The following PDZRN4 variants were observed in gnomAD, a reference collection of about 807,000 sequenced individuals.
PDZRN4 encodes the protein PDZ domain containing ring finger 4, also known as PDZ domain-containing RING finger protein 4.
A neutral mutation model predicts 99.0 loss-of-function variants in PDZRN4; 70 were observed. The ratio of observed to expected loss-of-function variants is 0.71; its 90% CI spans 0.58 to 0.86. The LOEUF is 0.86. Among genes scored for constraint, PDZRN4 ranks in the 40% least tolerant of loss-of-function variants. PDZRN4 has a pLI of 0.00. For missense variants in PDZRN4, 1,474 were observed against 1,331.2 expected, an observed-to-expected ratio of 1.11 and a Z score of -1.67; for synonymous variants, 551 against 501.6, an observed-to-expected ratio of 1.10 and a Z score of -1.32.
intron 3 of PDZRN4, among the ~76,000 whole-genome samples, chr12:41,233,688 A>C (rs890415879): frequency 3.9e-5 from 6 of 152,060 alleles, no homozygotes; most frequent in African/African-American, 1.4e-4. Flanking sequence ...TATTGCAAGG[A>C]CAAAAAACCA....
chr12:41,293,546 T>C (rs2120914269), intron 3 of PDZRN4, among the ~76,000 whole-genome samples: 1 of 152,158 alleles, frequency 6.6e-6, no homozygotes, highest in Non-Finnish European at 1.5e-5. Flanking sequence ...TTGGCAGATT[T>C]CCTTAGAATC....
chr12:41,195,505 T>C (rs535387242), intron 3 of PDZRN4, among the ~76,000 whole-genome samples: 2 of 152,140 alleles, frequency 1.3e-5, no homozygotes, highest in South Asian at 2.1e-4. Flanking sequence ...GTGAAGAATA[T>C]AGAAGACCCA....
chr12:41,265,642 C>A (rs1287334827), intron 3 of PDZRN4, among the ~76,000 whole-genome samples: 3 of 152,172 alleles, frequency 2.0e-5, no homozygotes. Flanking sequence ...AGCATAGGGG[C>A]AGCTGCTGAC....
chr12:41,379,000 G>T (rs1462766575), intron 3 of PDZRN4, among the ~76,000 whole-genome samples: 1 of 152,082 alleles, frequency 6.6e-6, no homozygotes, highest in Non-Finnish European at 1.5e-5. Flanking sequence ...GGTGCTATAT[G>T]GTTTGGGCTT....
intron 3 of PDZRN4, among the ~76,000 whole-genome samples, chr12:41,403,357 C>T (rs1361488344): frequency 1.3e-5 from 2 of 152,052 alleles, no homozygotes; most frequent in African/African-American, 2.4e-5. Flanking sequence ...CCATTTGTAA[C>T]AGTAGAATTA....
chr12:41,248,306 A>G (rs1951146653), intron 3 of PDZRN4, among the ~76,000 whole-genome samples: 1 of 152,216 alleles, frequency 6.6e-6, no homozygotes, highest in Non-Finnish European at 1.5e-5. Flanking sequence ...AAGGCTTTCT[A>G]TAATGGAATC....
intron 3 of PDZRN4, among the ~76,000 whole-genome samples, chr12:41,219,105 G>A (rs1430842183): frequency 2.0e-5 from 3 of 151,530 alleles, no homozygotes; most frequent in Admixed American, 2.0e-4. Flanking sequence ...TACATTTAGA[G>A]AGGGTACCTT....
chr12:41,510,663 C>T (rs952033086), intron 5 of PDZRN4, among the ~76,000 whole-genome samples: 2 of 152,060 alleles, frequency 1.3e-5, no homozygotes, highest in Non-Finnish European at 2.9e-5. Context: ...CCCATGGTCA[C>T]CTGCCCTTTT....
At chr12:41,349,480 T>C (rs979585887) in intron 3 of PDZRN4, among the ~76,000 whole-genome samples, 2 of 126,840 alleles carry the variant, frequency 1.6e-5, no homozygotes, top group African/African-American at 6.0e-5. Context: ...CTTTGTGCTA[T>C]CTTTCTATGT....
At chr12:41,492,501 C>T (rs1441718058) in intron 3 of PDZRN4, among the ~76,000 whole-genome samples, 1 of 152,062 alleles carries the variant, frequency 6.6e-6, no homozygotes, top group African/African-American at 2.4e-5. Context: ...CAAGGAAGAG[C>T]GTGTTTTAAC....
At chr12:41,203,399 G>C (rs1215471335) in intron 3 of PDZRN4, among the ~76,000 whole-genome samples, 1 of 152,030 alleles carries the variant, frequency 6.6e-6, no homozygotes, top group African/African-American at 2.4e-5. Context: ...GGAGGTGAGA[G>C]AGGATAGAAC....
intron 5 of PDZRN4, among the ~76,000 whole-genome samples, chr12:41,517,081 T>C (rs910759505): frequency 3.9e-5 from 6 of 152,214 alleles, no homozygotes; most frequent in Admixed American, 3.9e-4. Flanking sequence ...ACAAGATTAG[T>C]ATTGCTATTA....
At chr12:41,240,112 C>A (rs138703484) in intron 3 of PDZRN4, among the ~76,000 whole-genome samples, 1 of 142,704 alleles carries the variant, frequency 7.0e-6, no homozygotes, top group Non-Finnish European at 1.5e-5. Context: ...CTTCTCTTTG[C>A]TCACTGCTTT....
At chr12:41,571,459 A>C (rs917734578) in intron 9 of PDZRN4, among the ~76,000 whole-genome samples, 19 of 150,882 alleles carry the variant, frequency 1.3e-4, no homozygotes, top group Admixed American at 9.3e-4. Flanking sequence ...TAAGTGTCAA[A>C]ATTTTTTTGA....
intron 3 of PDZRN4, among the ~76,000 whole-genome samples, chr12:41,272,444 T>C (rs1951320578): frequency 6.6e-6 from 1 of 152,096 alleles, no homozygotes; most frequent in Non-Finnish European, 1.5e-5. Context: ...ACTTATTAAT[T>C]TTAAAGCATC....
At chr12:41,330,127 T>A (rs924226817) in intron 3 of PDZRN4, among the ~76,000 whole-genome samples, 3 of 152,122 alleles carry the variant, frequency 2.0e-5, no homozygotes, top group African/African-American at 7.2e-5. Flanking sequence ...GTTTAAAAAA[T>A]TTTATGTTAC....
chr12:41,411,776 G>A (rs557185599), intron 3 of PDZRN4: 9 of 152,294 alleles, frequency 5.9e-5, no homozygotes, highest in African/African-American at 1.9e-4. Context: ...AAATAGAGCA[G>A]CTATATTCTT....
At position 41,225,543 on chromosome 12, in the gene PDZRN4, A is replaced by G. The variant is rs1405385370; in HGVS notation, c.843+31355A>G. On this transcript the variant is annotated intron_variant, in intron 3 of 9. Transcript: ENST00000402685. ...GTGCTTTATACTTAAATGCTTTTGT[A>G]ATAATTTTTTAATTTAGCTAAAGGA... Among the ~76,000 whole-genome samples the G allele has an allele frequency of 2.6e-5, 4 of 152,202 alleles. 1 individual carries two copies. The highest frequency in any genetic ancestry group is 5.9e-5 in the Non-Finnish European group (4 of 68,008).
intron 3 of PDZRN4, among the ~76,000 whole-genome samples, chr12:41,199,410 G>T (rs1192376130): frequency 6.6e-6 from 1 of 152,102 alleles, no homozygotes; most frequent in Admixed American, 6.6e-5. Context: ...CTATTGGTTG[G>T]AATGGAAATT....
Sources: gnomAD v4.1 joint callset for allele counts (sites outside exome capture counted in the v4.1 genomes callset) on GRCh38, gnomAD v4.1.1 for gene constraint, MANE v1.5 for transcripts, NCBI Gene and HGNC (gene_info 2026-07-23, HGNC 2026-07-21) for gene names.